Variants in FARS2 observed in about 807,000 individuals in gnomAD.
The protein encoded by FARS2 is phenylalanyl-tRNA synthetase 2, mitochondrial, also known as phenylalanine--tRNA ligase, mitochondrial.
A neutral mutation model predicts 46.4 loss-of-function variants in FARS2; 40 were observed. That is an observed-to-expected ratio of 0.86 (90% CI 0.67 to 1.12). The LOEUF (loss-of-function observed/expected upper bound fraction) is 1.12, where lower values mean the gene tolerates loss of function less well. Among genes scored for constraint, FARS2 ranks in the 50% most tolerant of loss-of-function variants. FARS2 has a pLI of 0.00. For synonymous variants in FARS2, 234 were observed against 214.9 expected (o/e 1.09, Z -0.78); for missense variants, 513 against 567.9 (o/e 0.90, Z 0.98).
At chr6:5,607,512 A>C (rs1215393102) in intron 5 of FARS2, among the ~76,000 whole-genome samples, 1 of 152,140 alleles carries the variant, frequency 6.6e-6, no homozygotes, top group Non-Finnish European at 1.5e-5. Context: ...ATCACAGTGA[A>C]TATAAATAGA....
At chr6:5,422,201 C>A (rs147217648) in intron 3 of FARS2, among the ~76,000 whole-genome samples, 1 of 152,168 alleles carries the variant, frequency 6.6e-6, no homozygotes. Context: ...GAGACTTATT[C>A]ACTATCACGA....
intron 5 of FARS2, among the ~76,000 whole-genome samples, chr6:5,608,729 A>G (rs1031824855): frequency 5.3e-5 from 8 of 152,110 alleles, no homozygotes; most frequent in African/African-American, 1.9e-4. Context: ...CCATCAGTTC[A>G]CCTACACCAA....
chr6:5,580,489 C>T (rs1252501393), intron 5 of FARS2, among the ~76,000 whole-genome samples: 1 of 152,096 alleles, frequency 6.6e-6, no homozygotes, highest in Non-Finnish European at 1.5e-5. Flanking sequence ...AAACAAGGTG[C>T]CCCTGTCCTA....
intron 1 of FARS2, among the ~76,000 whole-genome samples, chr6:5,365,331 T>C (rs1206393082): frequency 1.8e-5 from 2 of 108,788 alleles, no homozygotes; most frequent in East Asian, 2.5e-4. Flanking sequence ...TTTTTTTTTT[T>C]TTTTTTTTTT....
intron 6 of FARS2, among the ~76,000 whole-genome samples, chr6:5,672,621 A>G (rs1285008782): frequency 6.6e-6 from 1 of 152,210 alleles, no homozygotes; most frequent in Non-Finnish European, 1.5e-5. Context: ...AAAATTCAGG[A>G]AAAAATAATA....
intron 5 of FARS2, among the ~76,000 whole-genome samples, chr6:5,551,212 T>C (rs1046544440): frequency 6.6e-6 from 1 of 152,208 alleles, no homozygotes; most frequent in Non-Finnish European, 1.5e-5. Flanking sequence ...TTCCAATTCA[T>C]CTAATTCTGC....
Position 5,696,768 on chromosome 6 carries a change from T to A in FARS2, c.1218-74523T>A, listed in dbSNP as rs572010169. ...CAATTTAAATTTTTTACTATGAACA[T>A]ACATCATTTTTATAATAAAATGCTC... On this transcript the variant is annotated intron_variant, in intron 6 of 6. Coordinates refer to ENST00000274680, the MANE Select transcript of FARS2 (RefSeq NM_006567.5). Among the ~76,000 whole-genome samples, 26 of 152,348 alleles carry A rather than the reference T, an allele frequency of 1.7e-4. No individual in the cohort carries two copies. In the South Asian group the frequency reaches 5.2e-3, roughly 30 times the overall value.
At chr6:5,719,495 G>C (rs1372758145) in intron 6 of FARS2, among the ~76,000 whole-genome samples, 1 of 145,568 alleles carries the variant, frequency 6.9e-6, no homozygotes, top group Non-Finnish European at 1.5e-5. Flanking sequence ...GCCTGCTGTA[G>C]CTGAAAGATA....
rs569825759 is a variant in FARS2, at chr6:5,513,935, T to A, written c.905-31245T>A. Among the ~76,000 whole-genome samples the A allele has an allele frequency of 1.1e-4, 16 of 151,646 alleles. 1 individual carries two copies. In the East Asian group the frequency reaches 1.2e-3, roughly 11 times the overall value. On this transcript the variant is annotated intron_variant, in intron 4 of 6. Coordinates refer to ENST00000274680, the MANE Select transcript of FARS2 (RefSeq NM_006567.5). ...CTTTAGGTTATCTAAAAAAAAAAAA[T>A]TTAACAACTATTGATCCAGCCAAAT...
chr6:5,572,474 G>A (rs960086426), intron 5 of FARS2, among the ~76,000 whole-genome samples: 7 of 152,060 alleles, frequency 4.6e-5, no homozygotes, highest in African/African-American at 7.2e-5. Flanking sequence ...AGATTTGGGC[G>A]GGGACAAATA....
At chr6:5,717,939 G>T (rs867308644) in intron 6 of FARS2, among the ~76,000 whole-genome samples, 6 of 142,982 alleles carry the variant, frequency 4.2e-5, no homozygotes, top group African/African-American at 1.7e-4. Context: ...TATATATACA[G>T]AGTCTCACTC....
intron 6 of FARS2, among the ~76,000 whole-genome samples, chr6:5,670,109 C>T (rs112608062): frequency 3.3e-5 from 5 of 152,298 alleles, no homozygotes; most frequent in African/African-American, 1.2e-4. Context: ...TAAACACTTA[C>T]ATAGAAGTTA....
At chr6:5,703,221 G>A (rs1285264322) in intron 6 of FARS2, among the ~76,000 whole-genome samples, 3 of 152,198 alleles carry the variant, frequency 2.0e-5, no homozygotes, top group Non-Finnish European at 4.4e-5. Flanking sequence ...TTTTCACACT[G>A]TTGTGATTCT....
chr6:5,254,451 T>A, the FARS2 span, among the ~76,000 whole-genome samples: 3 of 152,250 alleles, frequency 2.0e-5, no homozygotes, highest in East Asian at 5.8e-4. Context: ...AGTTCCTATT[T>A]TGATTAATAA....
intron 6 of FARS2, among the ~76,000 whole-genome samples, chr6:5,752,482 A>G (rs1762001459): frequency 6.6e-6 from 1 of 152,204 alleles, no homozygotes; most frequent in Admixed American, 6.5e-5. Flanking sequence ...CTTTGTAGCT[A>G]CTTATTCAGA....
intron 3 of FARS2, among the ~76,000 whole-genome samples, chr6:5,426,855 A>G (rs1445167234): frequency 6.6e-6 from 1 of 152,152 alleles, no homozygotes; most frequent in Non-Finnish European, 1.5e-5. Flanking sequence ...CGAACTCCTG[A>G]TCTTAACTAA....
chr6:5,320,128 G>C (rs1172345640), intron 1 of FARS2, among the ~76,000 whole-genome samples: 1 of 152,234 alleles, frequency 6.6e-6, no homozygotes, highest in East Asian at 1.9e-4. Context: ...CTAAAAAGGA[G>C]AAGAGTCCAT....
At chr6:5,547,418 A>C (rs1193446930) in intron 5 of FARS2, among the ~76,000 whole-genome samples, 1 of 151,250 alleles carries the variant, frequency 6.6e-6, no homozygotes, top group Non-Finnish European at 1.5e-5. Context: ...ACAAAGACTG[A>C]GGTAGATAAA....
Position 5,738,433 on chromosome 6 carries a change from G to T in FARS2, c.1218-32858G>T, listed in dbSNP as rs147783234. 1.8e-4 allele frequency among the ~76,000 whole-genome samples: 27 copies of T among 152,274 alleles called. No homozygotes were observed. The East Asian group carries it at 4.0e-3, about 23-fold the overall frequency. ...AGGTTCTTTCAGTGTACATTACTAC[G>T]ATCCAAAGTGAGGTCAATGAGTAAG... On this transcript the variant is annotated intron_variant, in intron 6 of 6. Transcript: ENST00000274680.
Sources: gnomAD v4.1 joint callset for allele counts (sites outside exome capture counted in the v4.1 genomes callset) on GRCh38, gnomAD v4.1.1 for gene constraint, MANE v1.5 for transcripts, NCBI Gene and HGNC (gene_info 2026-07-23, HGNC 2026-07-21) for gene names.